KALRN: variants seen among roughly 807,000 people sequenced by gnomAD.
KALRN encodes kalirin RhoGEF kinase.
KALRN carries 70 observed loss-of-function variants against 353.7 expected under a neutral mutation model. The ratio of observed to expected loss-of-function variants is 0.20; its 90% CI spans 0.16 to 0.24. The LOEUF (loss-of-function observed/expected upper bound fraction) is 0.24. Ranked by LOEUF, KALRN falls within the 10% of genes least tolerant of loss-of-function variation. The pLI, the probability that KALRN is intolerant of heterozygous loss-of-function variation, is 1.00. For missense variants in KALRN, 2,791 were observed against 3,756.7 expected (o/e 0.74, Z 6.72); for synonymous variants, 1,391 against 1,434.8 (o/e 0.97, Z 0.69).
intron 10 of KALRN, among the ~76,000 whole-genome samples, chr3:124,377,374 C>T (rs545365160): frequency 3.3e-5 from 5 of 152,244 alleles, no homozygotes; most frequent in African/African-American, 1.2e-4. Context: ...ATTTCTGTTA[C>T]TGATTTCTAA....
chr3:124,671,230 C>T (rs553300553), intron 47 of KALRN, among the ~76,000 whole-genome samples: 2 of 152,316 alleles, frequency 1.3e-5, no homozygotes, highest in African/African-American at 2.4e-5. Context: ...ATTGGACTCA[C>T]TTTCTAGACT....
In KALRN at chr3:124,409,942, G is replaced by A. The variant is rs537275194; in HGVS notation, c.2347-3528G>A. ...CCAACAGAAAGAGGAGAGAGCCTGC[G>A]GACCCAGGGAGGGCAGCCTTAGGAG... is the stretch of plus-strand genomic sequence containing the variant. On this transcript the variant is annotated intron_variant, in intron 13 of 59. Coordinates refer to ENST00000682506, the MANE Select transcript of KALRN (RefSeq NM_001388419.1). Among the ~76,000 whole-genome samples, 131 of 152,174 alleles carry A rather than the reference G, an allele frequency of 8.6e-4. 7 individuals are homozygous for A. The South Asian group carries it at 0.024, about 28-fold the overall frequency.
chr3:124,181,213 T>A (rs1469393306), intron 1 of KALRN, among the ~76,000 whole-genome samples: 1 of 151,866 alleles, frequency 6.6e-6, no homozygotes, highest in Non-Finnish European at 1.5e-5. Context: ...ATCTCACCAC[T>A]GCACTCCAGC....
At chr3:124,197,946 T>G (rs1422777094) in intron 1 of KALRN, among the ~76,000 whole-genome samples, 1 of 152,168 alleles carries the variant, frequency 6.6e-6, no homozygotes, top group East Asian at 1.9e-4. Flanking sequence ...TGGTGCACAC[T>G]TAGTGATTCA....
chr3:124,593,870 C>A (rs1490320599), intron 34 of KALRN, among the ~76,000 whole-genome samples: 4 of 152,156 alleles, frequency 2.6e-5, no homozygotes, highest in Non-Finnish European at 5.9e-5. Flanking sequence ...CCGCCACATT[C>A]CCCTGCCAAA....
chr3:124,676,403 A>C (rs3772786), intron 49 of KALRN, among the ~76,000 whole-genome samples: 24,376 of 152,108 alleles, frequency 0.16, 2,424 homozygotes, highest in Middle Eastern at 0.28. Flanking sequence ...CAGGGGTCAG[A>C]GTTGGTTGTG....
chr3:124,203,909 G>C (rs1483771006), intron 1 of KALRN, among the ~76,000 whole-genome samples: 2 of 152,186 alleles, frequency 1.3e-5, no homozygotes, highest in African/African-American at 4.8e-5. Flanking sequence ...AATGCAAATT[G>C]AAAATACAAT....
chr3:124,335,681 A>G (rs1379274709), intron 9 of KALRN, among the ~76,000 whole-genome samples: 1 of 152,168 alleles, frequency 6.6e-6, no homozygotes, highest in African/African-American at 2.4e-5. Context: ...TGGGCTCTGC[A>G]GAGCTGCAGA....
intron 10 of KALRN, among the ~76,000 whole-genome samples, chr3:124,383,306 G>A (rs1294996056): frequency 6.6e-6 from 1 of 152,142 alleles, no homozygotes; most frequent in Non-Finnish European, 1.5e-5. Context: ...TCAGTTTCCT[G>A]GGGCTGTTGT....
intron 35 of KALRN, among the ~76,000 whole-genome samples, chr3:124,633,064 G>C (rs1276729664): frequency 6.6e-6 from 1 of 152,212 alleles, no homozygotes; most frequent in East Asian, 1.9e-4. Flanking sequence ...TTTGAAAACA[G>C]GACTGTGCTG....
chr3:124,635,161 T>C (rs905712204), intron 36 of KALRN, among the ~76,000 whole-genome samples: 2 of 152,120 alleles, frequency 1.3e-5, no homozygotes, highest in African/African-American at 4.8e-5. Context: ...GGAAGAGACA[T>C]AGTAGGAAGG....
chr3:124,707,155 A>G (rs1454703645), intron 57 of KALRN, among the ~76,000 whole-genome samples: 1 of 152,048 alleles, frequency 6.6e-6, no homozygotes, highest in Admixed American at 6.6e-5. Flanking sequence ...CCTGGGCAAC[A>G]TGGCGAGACT....
At chr3:124,434,603 G>C in intron 17 of KALRN, 78 bp downstream of exon 17, 1 of 1,312,118 alleles carries the variant, frequency 7.6e-7, no homozygotes, top group Non-Finnish European at 1.1e-6. Flanking sequence ...TAAATGTGCA[G>C]TGCTTATGTC....
chr3:124,152,263 T>G, intron 1 of KALRN: 1 of 1,451,948 alleles, frequency 6.9e-7, no homozygotes, highest in South Asian at 1.1e-5. Flanking sequence ...CAGATTTGGG[T>G]ACCCCTATGC....
intron 34 of KALRN, among the ~76,000 whole-genome samples, chr3:124,626,316 A>G (rs1168909315): frequency 6.6e-6 from 1 of 152,228 alleles, no homozygotes; most frequent in Non-Finnish European, 1.5e-5. Flanking sequence ...GCAATTAGAG[A>G]GTAGGATTGC....
At position 124,422,909 on chromosome 3, in the gene KALRN, T is replaced by C; in HGVS notation, c.2640T>C (p.Asn880=). ...LHEKQHELEL[N]AEQTHKRLEQ... ...AGAAGCAGCATGAATTGGAGCTCAA[T>C]GCAGAGCAGACTCATAAGCGGCTAG... is the stretch of plus-strand genomic sequence containing the variant. Residue 880 remains asparagine (N), a synonymous_variant, in exon 15 of 60, where the codon AAT becomes AAC. Transcript: ENST00000682506. 6.2e-7 allele frequency: 1 copy of C among 1,613,904 alleles called. No individual in the cohort carries two copies. Among genetic ancestry groups the C allele is most frequent in the Non-Finnish European group, 8.5e-7 (1 of 1,179,836 alleles).
intron 34 of KALRN, chr3:124,584,767 C>G (rs2074966482): frequency 1.9e-6 from 3 of 1,556,604 alleles, no homozygotes; most frequent in Non-Finnish European, 2.6e-6. Flanking sequence ...CCGCCGCGCT[C>G]TCACCCCGGG....
intron 11 of KALRN, among the ~76,000 whole-genome samples, chr3:124,389,604 C>T (rs917748899): frequency 2.6e-5 from 4 of 152,128 alleles, no homozygotes; most frequent in Admixed American, 6.6e-5. Context: ...TGGGTGATTT[C>T]GTTAAACAAA....
chr3:124,189,450 C>G (rs546691128), intron 1 of KALRN, among the ~76,000 whole-genome samples: 31 of 152,318 alleles, frequency 2.0e-4, no homozygotes, highest in African/African-American at 6.7e-4. Flanking sequence ...GGAAATACCC[C>G]TCTCTCTGAC....
Sources: gnomAD v4.1 joint callset for allele counts (sites outside exome capture counted in the v4.1 genomes callset) on GRCh38, gnomAD v4.1.1 for gene constraint, MANE v1.5 for transcripts, NCBI Gene and HGNC (gene_info 2026-07-23, HGNC 2026-07-21) for gene names.